Variants in TMEM132B observed in about 807,000 individuals in gnomAD.
TMEM132B encodes transmembrane protein 132B.
In TMEM132B, 18 loss-of-function variants were observed where a neutral mutation model predicts 90.8. The observed-to-expected ratio is 0.20, with a 90% confidence interval of 0.14 to 0.29. The LOEUF is 0.29. Ranked by LOEUF, TMEM132B falls within the 10% of genes least tolerant of loss-of-function variation. The pLI, the probability that TMEM132B is intolerant of heterozygous loss-of-function variation, is 1.00. For synonymous variants in TMEM132B, 504 were observed against 523.3 expected (o/e 0.96, Z 0.50); for missense variants, 1,096 against 1,326.8 (o/e 0.83, Z 2.70).
At chr12:125,337,289 A>G (rs867989898) in intron 1 of TMEM132B, among the ~76,000 whole-genome samples, 1 of 149,246 alleles carries the variant, frequency 6.7e-6, no homozygotes. Context: ...TGACAAATAA[A>G]CTCCTAGGCG....
intron 4 of TMEM132B, among the ~76,000 whole-genome samples, chr12:125,569,328 C>T (rs1216137562): frequency 6.6e-6 from 1 of 152,118 alleles, no homozygotes; most frequent in Non-Finnish European, 1.5e-5. Flanking sequence ...ATTGCTGGCC[C>T]AGGGTCACCT....
At chr12:125,455,263 C>CGTAAAGTA (rs1477730207) in intron 3 of TMEM132B, among the ~76,000 whole-genome samples, 1 of 152,030 alleles carries the variant, frequency 6.6e-6, no homozygotes, top group Non-Finnish European at 1.5e-5. Context: ...TGCAGGAAAC[C>CGTAAAGTA]GTAAAGTACT....
Position 125,365,916 on chromosome 12 carries a change from G to C in TMEM132B, c.959+15573G>C, listed in dbSNP as rs181409746. Among the ~76,000 whole-genome samples the C allele has an allele frequency of 1.8e-4, 27 of 151,942 alleles. 1 individual carries two copies. The highest frequency in any genetic ancestry group is 3.4e-4 in the Non-Finnish European group (23 of 67,932). ...ATTTGGAAATATATAATAAATTATT[G>C]TTAACTATAATTTCCCTACTCTACT... On this transcript the variant is annotated intron_variant, in intron 2 of 8. Transcript: ENST00000682704.
chr12:125,552,815 T>A (rs192279521), intron 4 of TMEM132B, among the ~76,000 whole-genome samples: 2 of 152,382 alleles, frequency 1.3e-5, no homozygotes, highest in South Asian at 4.1e-4. Flanking sequence ...TGTCAGTAGA[T>A]GAAGCCACTC....
intron 3 of TMEM132B, among the ~76,000 whole-genome samples, chr12:125,470,602 T>C (rs1020797548): frequency 1.3e-5 from 2 of 152,180 alleles, no homozygotes; most frequent in African/African-American, 2.4e-5. Context: ...TTATTAGCTG[T>C]ATCCCAGTGG....
At chr12:125,225,869 G>A (rs1444295085) in intron 1 of TMEM132B, among the ~76,000 whole-genome samples, 1 of 152,140 alleles carries the variant, frequency 6.6e-6, no homozygotes, top group African/African-American at 2.4e-5. Flanking sequence ...TGCAAGGGAG[G>A]CTGGGAAATG....
chr12:125,266,392 C>G (rs1874695419), intron 1 of TMEM132B, among the ~76,000 whole-genome samples: 1 of 152,224 alleles, frequency 6.6e-6, no homozygotes, highest in African/African-American at 2.4e-5. Context: ...CACTGCTTTC[C>G]CATTCTATCG....
At position 125,617,407 on chromosome 12, in the gene TMEM132B, G is replaced by A. The variant is rs187749221; in HGVS notation, c.1438-26669G>A. Among the ~76,000 whole-genome samples the A allele has an allele frequency of 1.2e-3, 175 of 149,692 alleles. 1 individual carries two copies. Among genetic ancestry groups the A allele is most frequent in the East Asian group, 6.3e-3 (32 of 5,062 alleles). ...ATTGCCCAGGCTGGAGTGCAGTGGC[G>A]CCATCTCGGCTCACCACAACCTCCA... On this transcript the variant is annotated intron_variant, in intron 5 of 8. Coordinates refer to ENST00000682704, the MANE Select transcript of TMEM132B (RefSeq NM_001366854.1).
At chr12:125,508,536 C>T (rs548343626) in intron 3 of TMEM132B, among the ~76,000 whole-genome samples, 1 of 152,240 alleles carries the variant, frequency 6.6e-6, no homozygotes, top group Admixed American at 6.5e-5. Flanking sequence ...CCATGGCCAC[C>T]TGGGAAAATC....
chr12:125,310,326 C>G (rs941203427), intron 1 of TMEM132B, among the ~76,000 whole-genome samples: 1 of 152,190 alleles, frequency 6.6e-6, no homozygotes, highest in African/African-American at 2.4e-5. Flanking sequence ...GTGGGAGACC[C>G]GGACAGAGGT....
chr12:125,297,900 C>T (rs538682067), intron 1 of TMEM132B, among the ~76,000 whole-genome samples: 44 of 152,326 alleles, frequency 2.9e-4, no homozygotes, highest in African/African-American at 1.0e-3. Flanking sequence ...CCCACATTAT[C>T]CACGCTCCTT....
intron 1 of TMEM132B, among the ~76,000 whole-genome samples, chr12:125,261,653 T>C (rs754273580): frequency 4.6e-5 from 7 of 152,240 alleles, no homozygotes; most frequent in African/African-American, 1.4e-4. Flanking sequence ...ACGGATTTTA[T>C]TGAAAGAATA....
intron 2 of TMEM132B, among the ~76,000 whole-genome samples, chr12:125,390,162 T>C (rs762274048): frequency 4.6e-5 from 7 of 152,200 alleles, no homozygotes; most frequent in Non-Finnish European, 1.0e-4. Context: ...AATTCACAAA[T>C]GTGTTCACCA....
At chr12:125,314,089 G>A (rs748157992) in intron 1 of TMEM132B, among the ~76,000 whole-genome samples, 7 of 152,072 alleles carry the variant, frequency 4.6e-5, no homozygotes, top group Non-Finnish European at 7.4e-5. Flanking sequence ...GGCGGCGTGC[G>A]AACTCATGTA....
chr12:125,462,520 A>G (rs1015886223), intron 3 of TMEM132B, among the ~76,000 whole-genome samples: 3 of 152,170 alleles, frequency 2.0e-5, no homozygotes, highest in Non-Finnish European at 2.9e-5. Context: ...AGAGTGTGTA[A>G]AACACAGATA....
chr12:125,610,126 G>A (rs911192527), intron 5 of TMEM132B, among the ~76,000 whole-genome samples: 3 of 151,916 alleles, frequency 2.0e-5, no homozygotes, highest in Admixed American at 1.3e-4. Flanking sequence ...GGTTCTAATT[G>A]TTATTAGTGG....
chr12:125,597,698 G>A (rs192383532), intron 5 of TMEM132B, among the ~76,000 whole-genome samples: 55 of 152,270 alleles, frequency 3.6e-4, no homozygotes, highest in Non-Finnish European at 6.8e-4. Flanking sequence ...AGACAGAGAT[G>A]GAGAATTCAG....
chr12:125,636,519 C>T (rs1024591487), intron 5 of TMEM132B, among the ~76,000 whole-genome samples: 1 of 152,186 alleles, frequency 6.6e-6, no homozygotes, highest in Admixed American at 6.5e-5. Context: ...GCTTAGTAGA[C>T]ACTGTATCAC....
chr12:125,361,131 G>A (rs567807503), intron 2 of TMEM132B, among the ~76,000 whole-genome samples: 1 of 152,212 alleles, frequency 6.6e-6, no homozygotes, highest in Admixed American at 6.5e-5. Context: ...ACAGGGACAC[G>A]CCCGCTGCCC....
Sources: allele counts gnomAD v4.1 joint callset (sites outside exome capture counted in the v4.1 genomes callset), GRCh38; gene constraint gnomAD v4.1.1; transcripts MANE v1.5; gene names NCBI Gene and HGNC (gene_info 2026-07-23, HGNC 2026-07-21).